The following GPC6 variants were observed in gnomAD, a reference collection of about 807,000 sequenced individuals.
The protein encoded by GPC6 is glypican-6.
In GPC6, 14 loss-of-function variants were observed where a neutral mutation model predicts 55.2. The ratio of observed to expected loss-of-function variants is 0.25; its 90% CI spans 0.17 to 0.40. GPC6 has a LOEUF of 0.40. Among genes scored for constraint, GPC6 ranks in the 10% least tolerant of loss-of-function variants. The pLI is 1.00. For synonymous variants in GPC6, 278 were observed against 259.6 expected (o/e 1.07, Z -0.68); for missense variants, 641 against 708.5 (o/e 0.90, Z 1.08).
At chr13:93,928,564 G>A (rs1166825497) in intron 3 of GPC6, among the ~76,000 whole-genome samples, 1 of 151,972 alleles carries the variant, frequency 6.6e-6, no homozygotes, top group East Asian at 1.9e-4. Context: ...GAAAATAAGG[G>A]GAAAAGACCT....
intron 4 of GPC6, among the ~76,000 whole-genome samples, chr13:94,063,293 C>T (rs1594706072): frequency 2.0e-5 from 3 of 152,026 alleles, no homozygotes; most frequent in Non-Finnish European, 4.4e-5. Context: ...CAGTGCCAGA[C>T]TTTGTTTGGG....
intron 4 of GPC6, among the ~76,000 whole-genome samples, chr13:94,241,556 T>C (rs1487086570): frequency 6.6e-6 from 1 of 152,204 alleles, no homozygotes; most frequent in African/African-American, 2.4e-5. Context: ...CATTGCACAG[T>C]GCAGAGATGG....
intron 1 of GPC6, among the ~76,000 whole-genome samples, chr13:93,304,654 A>G (rs1229301177): frequency 6.6e-6 from 1 of 152,232 alleles, no homozygotes; most frequent in Non-Finnish European, 1.5e-5. Context: ...CATTCGAGGT[A>G]CTGCAGAACG....
chr13:94,052,827 G>A (rs972891930), intron 4 of GPC6, among the ~76,000 whole-genome samples: 1 of 152,054 alleles, frequency 6.6e-6, no homozygotes, highest in Non-Finnish European at 1.5e-5. Context: ...CTCTGTTGAA[G>A]CTATGCCCCT....
intron 2 of GPC6, among the ~76,000 whole-genome samples, chr13:93,579,733 T>G (rs1353706715): frequency 6.6e-6 from 1 of 152,148 alleles, no homozygotes; most frequent in Non-Finnish European, 1.5e-5. Context: ...TCAGAAGCAA[T>G]TTTAAATTGT....
intron 2 of GPC6, among the ~76,000 whole-genome samples, chr13:93,694,914 TA>T (rs751981529): frequency 2.3e-4 from 35 of 149,148 alleles, no homozygotes; most frequent in Admixed American, 1.1e-3. Flanking sequence ...TTTGAAATAA[TA>T]AAAAAAAAAT....
rs1886336876 is a variant in GPC6 at position 93,800,550 on chromosome 13, C to G, written c.320-29604C>G. ...AGCAGAGATTAGTGTCAGGACAAAC[C>G]TCTATGTTGTATGAAGTCAGTGACC... On this transcript the variant is annotated intron_variant, in intron 2 of 8. Coordinates refer to ENST00000377047, the MANE Select transcript of GPC6 (RefSeq NM_005708.5). Among the ~76,000 whole-genome samples the G allele has an allele frequency of 2.0e-5, 3 of 152,102 alleles. No homozygotes were observed. The South Asian group carries it at 6.2e-4, about 32-fold the overall frequency.
At chr13:93,462,649 CAACT>C (rs1878737084) in intron 1 of GPC6, among the ~76,000 whole-genome samples, 1 of 135,964 alleles carries the variant, frequency 7.4e-6, no homozygotes, top group African/African-American at 2.7e-5. Flanking sequence ...AAAAAAAAAA[CAACT>C]AAGGAATAAA....
At chr13:93,362,238 T>G (rs1181609103) in intron 1 of GPC6, among the ~76,000 whole-genome samples, 1 of 152,184 alleles carries the variant, frequency 6.6e-6, no homozygotes, top group Non-Finnish European at 1.5e-5. Flanking sequence ...TCTGCCCAGT[T>G]CTTCCTGGAG....
intron 1 of GPC6, among the ~76,000 whole-genome samples, chr13:93,254,402 A>C (rs1876883543): frequency 6.6e-6 from 1 of 152,234 alleles, no homozygotes; most frequent in African/African-American, 2.4e-5. Context: ...TGTGTACAAA[A>C]TATAAATATT....
intron 2 of GPC6, among the ~76,000 whole-genome samples, chr13:93,588,156 C>T (rs16948997): frequency 0.05 from 7,630 of 152,110 alleles, 639 homozygotes; most frequent in African/African-American, 0.17. Flanking sequence ...ACCACTTCTT[C>T]GTTTTCAGTC....
chr13:93,321,649 A>C (rs999664733), intron 1 of GPC6, among the ~76,000 whole-genome samples: 2 of 152,192 alleles, frequency 1.3e-5, no homozygotes, highest in African/African-American at 4.8e-5. Flanking sequence ...AGTTCAAATA[A>C]AAAATGATTT....
At chr13:93,723,114 TG>T (rs765620202) in intron 2 of GPC6, among the ~76,000 whole-genome samples, 1 of 152,014 alleles carries the variant, frequency 6.6e-6, no homozygotes, top group Non-Finnish European at 1.5e-5. Context: ...GCAATAATCT[TG>T]GTAATTACTT....
intron 2 of GPC6, among the ~76,000 whole-genome samples, chr13:93,684,391 T>C (rs1236181906): frequency 1.3e-5 from 2 of 152,170 alleles, no homozygotes; most frequent in African/African-American, 4.8e-5. Flanking sequence ...TTTCATCATG[T>C]TGGCCAGGCT....
intron 2 of GPC6, among the ~76,000 whole-genome samples, chr13:93,784,728 T>C (rs1594454592): frequency 6.6e-6 from 1 of 152,318 alleles, no homozygotes; most frequent in Admixed American, 6.5e-5. Context: ...AAAATCCATG[T>C]TTGAACTTCC....
chr13:94,203,353 A>C (rs1322977747), intron 4 of GPC6, among the ~76,000 whole-genome samples: 2 of 151,930 alleles, frequency 1.3e-5, no homozygotes, highest in Non-Finnish European at 2.9e-5. Context: ...AAACTTATAT[A>C]TATAATTATT....
chr13:93,409,430 TA>T (rs1275847673), intron 1 of GPC6, among the ~76,000 whole-genome samples: 2 of 152,208 alleles, frequency 1.3e-5, no homozygotes, highest in East Asian at 3.9e-4. Context: ...CATCTTTAGC[TA>T]ACGTGGTCTG....
At chr13:93,360,679 G>A (rs1316634412) in intron 1 of GPC6, among the ~76,000 whole-genome samples, 2 of 152,152 alleles carry the variant, frequency 1.3e-5, no homozygotes, top group African/African-American at 4.8e-5. Context: ...TGGTAGTGAT[G>A]GTTGGAGTGG....
chr13:93,572,961 G>C (rs1474729576), intron 2 of GPC6, among the ~76,000 whole-genome samples: 8 of 152,132 alleles, frequency 5.3e-5, no homozygotes, highest in Non-Finnish European at 1.0e-4. Context: ...AGATGAAATT[G>C]TCCTGGGCAC....
Sources: allele counts gnomAD v4.1 joint callset (sites outside exome capture counted in the v4.1 genomes callset), GRCh38; gene constraint gnomAD v4.1.1; transcripts MANE v1.5; gene names NCBI Gene and HGNC (gene_info 2026-07-23, HGNC 2026-07-21).